Variants in VSTM1 observed in about 807,000 individuals in gnomAD.
VSTM1 encodes V-set and transmembrane domain-containing protein 1.
In VSTM1, 27 loss-of-function variants were observed where a neutral mutation model predicts 33.1. The observed-to-expected ratio is 0.82, with a 90% CI of 0.60 to 1.12. The LOEUF is 1.12. Among genes scored for constraint, VSTM1 ranks in the 50% most tolerant of loss-of-function variants. The probability of loss-of-function intolerance (pLI) is 0.00; values close to 1 mark genes in which losing one functional copy is unlikely to be tolerated. For synonymous variants in VSTM1, 115 were observed against 110.3 expected, an observed-to-expected ratio of 1.04 and a Z score of -0.27; for missense variants, 304 against 288.9, an observed-to-expected ratio of 1.05 and a Z score of -0.38.
At chr19:54,042,400 G>C (rs569794039) in intron 4 of VSTM1, 31 bp from the exon 5 acceptor site, 2 of 1,606,232 alleles carry the variant, frequency 1.2e-6, no homozygotes, top group South Asian at 1.1e-5. Flanking sequence ...CAGGGAATCA[G>C]CCTGGCTCCT....
intron 3 of VSTM1, among the ~76,000 whole-genome samples, chr19:54,054,848 AATGGATGGATGGATGG>A (rs74177847): frequency 0.24 from 30,364 of 125,314 alleles, 6,801 homozygotes; most frequent in Middle Eastern, 0.36. Flanking sequence ...TGGATAGATG[AATGGATGGATGGATGG>A]ATGGATGGAT....
At chr19:54,042,081 G>C in intron 6 of VSTM1, 88 bp downstream of exon 6, 2 of 1,606,716 alleles carry the variant, frequency 1.2e-6, no homozygotes, top group South Asian at 1.1e-5. Context: ...TGGGGTGGGG[G>C]CTCAGGGTGC....
At chr19:54,059,841 G>T (rs1600164215) in intron 1 of VSTM1, among the ~76,000 whole-genome samples, 1 of 140,266 alleles carries the variant, frequency 7.1e-6, no homozygotes, top group East Asian at 2.2e-4. Context: ...GAGAGTGGTG[G>T]GTTTTTTTTT....
chr19:54,060,412 G>A lies in VSTM1; in HGVS notation c.35-1680C>T, dbSNP rs76499115. On this transcript the variant is annotated intron_variant, in intron 1 of 8. Transcript: ENST00000338372. ...GTAGAAATTCTCTAGAGCCACGACAGTGTCTCAGGACATTGGTTCCTTGTT... is the reference window on the plus strand; with the variant it reads ...GTAGAAATTCTCTAGAGCCACGACAATGTCTCAGGACATTGGTTCCTTGTT... Among the ~76,000 whole-genome samples the A allele has an allele frequency of 4.6e-3, 697 of 152,284 alleles. 6 individuals are homozygous for A. Among genetic ancestry groups the A allele is most frequent in the African/African-American group, 0.015 (641 of 41,568 alleles).
chr19:54,054,195 T>G (rs1054630837), intron 3 of VSTM1, among the ~76,000 whole-genome samples: 1 of 142,382 alleles, frequency 7.0e-6, no homozygotes, highest in African/African-American at 2.6e-5. Flanking sequence ...TGTCTTGTGA[T>G]GTAATGGTAC....
At chr19:54,042,220 T>C (rs745477960) in intron 5 of VSTM1, 24 bp from the exon 6 acceptor site, 1 of 1,614,028 alleles carries the variant, frequency 6.2e-7, no homozygotes, top group South Asian at 1.1e-5. Flanking sequence ...AGGAGGAATT[T>C]ACCTACCGAG....
At position 54,063,858 on chromosome 19, in the gene VSTM1, C is replaced by A. The variant is rs2071520087; in HGVS notation, c.-81G>T. 18 of 1,511,866 alleles carry A rather than the reference C, an allele frequency of 1.2e-5. No individual in the cohort carries two copies. In the Admixed American group the frequency reaches 3.0e-4, roughly 25 times the overall value. The allele number at this position is 1,511,866 out of a possible 1,614,324, so 93.7% of individuals were successfully genotyped here. On this transcript the variant is annotated 5_prime_UTR_variant, in exon 1 of 9. Transcript: ENST00000338372. ...GAGCGGGACTGGGCCGGCCGCAGCT[C>A]TCCGGCTGCCCGGTTCGTCCCCAGG...
chr19:54,042,415 T>G (rs1278794664), intron 4 of VSTM1, 46 bp from the exon 5 acceptor site: 3 of 1,594,440 alleles, frequency 1.9e-6, no homozygotes, highest in Non-Finnish European at 2.6e-6. Flanking sequence ...GCTCCTGAAA[T>G]CCACTGATAG....
At chr19:54,062,821 A>G (rs1410830751) in intron 1 of VSTM1, among the ~76,000 whole-genome samples, 1 of 151,902 alleles carries the variant, frequency 6.6e-6, no homozygotes, top group Non-Finnish European at 1.5e-5. Flanking sequence ...GAAGGAACTG[A>G]AGCAGACGAA....
At chr19:54,042,035 G>A (rs1600102932) in intron 6 of VSTM1, 82 bp from the exon 7 acceptor site, 2 of 1,604,428 alleles carry the variant, frequency 1.2e-6, no homozygotes. Flanking sequence ...GAGAGGAAGG[G>A]AGAAGAAGGG....
intron 8 of VSTM1, among the ~76,000 whole-genome samples, 171 bp from the exon 9 acceptor site, chr19:54,041,251 C>T (rs2070247198): frequency 6.6e-6 from 1 of 152,038 alleles, no homozygotes; most frequent in Non-Finnish European, 1.5e-5. Flanking sequence ...CCCTTTATGC[C>T]TGTGACATCA....
At chr19:54,041,182 T>G in intron 8 of VSTM1, 102 bp from the exon 9 acceptor site, 1 of 1,303,734 alleles carries the variant, frequency 7.7e-7, no homozygotes, top group Non-Finnish European at 1.0e-6. Flanking sequence ...TAAATTTAAT[T>G]TAAAACCCAG....
chr19:54,041,205 AC>A, intron 8 of VSTM1, 125 bp from the exon 9 acceptor site: 2 of 958,302 alleles, frequency 2.1e-6, no homozygotes, highest in Non-Finnish European at 2.9e-6. Flanking sequence ...CCTCGGTCAC[AC>A]CAGATGCATT....
intron 3 of VSTM1, 100 bp from the exon 4 acceptor site, chr19:54,051,548 G>T: frequency 3.2e-6 from 3 of 932,188 alleles, no homozygotes; most frequent in East Asian, 2.8e-5. Context: ...GTTCTTCTTT[G>T]GGAAGCAGAA....
intron 4 of VSTM1, among the ~76,000 whole-genome samples, chr19:54,044,654 A>C (rs1167890864): frequency 6.6e-6 from 1 of 152,216 alleles, no homozygotes; most frequent in Non-Finnish European, 1.5e-5. Context: ...ATTGCCATGC[A>C]AGTCTACATC....
At chr19:54,058,824 G>GAT in intron 1 of VSTM1, 92 bp from the exon 2 acceptor site, 1 of 764,730 alleles carries the variant, frequency 1.3e-6, no homozygotes, top group Middle Eastern at 3.8e-4. Context: ...TTATAGGTCT[G>GAT]AGATATATAT....
At chr19:54,041,447 G>A (rs1395564412) in intron 8 of VSTM1, among the ~76,000 whole-genome samples, 3 of 151,810 alleles carry the variant, frequency 2.0e-5, no homozygotes, top group South Asian at 2.1e-4. Context: ...GATTACAGGC[G>A]CCCACTACCA....
At chr19:54,042,835 T>TATATATATATAC (rs2070383659) in intron 4 of VSTM1, among the ~76,000 whole-genome samples, 1 of 75,760 alleles carries the variant, frequency 1.3e-5, no homozygotes, top group African/African-American at 5.4e-5. Context: ...TATATATATA[T>TATATATATATAC]ATACATATAT....
chr19:54,041,884 G>T (rs1451123253), intron 7 of VSTM1, 32 bp downstream of exon 7: 3 of 1,614,010 alleles, frequency 1.9e-6, no homozygotes, highest in Admixed American at 1.7e-5. Context: ...CTTTCTATCC[G>T]GTGATTCCCT....
Sources: allele counts gnomAD v4.1 joint callset (sites outside exome capture counted in the v4.1 genomes callset), GRCh38; gene constraint gnomAD v4.1.1; transcripts MANE v1.5; gene names NCBI Gene and HGNC (gene_info 2026-07-23, HGNC 2026-07-21).